The following MNAT1 variants were observed in gnomAD, a reference collection of about 807,000 sequenced individuals.
MNAT1 encodes MNAT1 component of CDK activating kinase.
A neutral mutation model predicts 42.0 loss-of-function variants in MNAT1; 43 were observed. The observed-to-expected ratio is 1.02, with a 90% confidence interval of 0.80 to 1.32. The LOEUF (loss-of-function observed/expected upper bound fraction) is 1.32, where lower values mean the gene tolerates loss of function less well. Among genes scored for constraint, MNAT1 ranks in the 40% most tolerant of loss-of-function variants. The pLI is 0.00. For synonymous variants in MNAT1, 118 were observed against 120.0 expected, an observed-to-expected ratio of 0.98 and a Z score of 0.11; for missense variants, 306 against 350.4, an observed-to-expected ratio of 0.87 and a Z score of 1.01.
At chr14:60,821,342 C>T (rs1378835132) in intron 6 of MNAT1, among the ~76,000 whole-genome samples, 2 of 152,118 alleles carry the variant, frequency 1.3e-5, no homozygotes, top group African/African-American at 4.8e-5. Context: ...CTTATGGGTA[C>T]ACTGTTTAAT....
At chr14:60,743,451 G>A (rs959124015) in intron 1 of MNAT1, among the ~76,000 whole-genome samples, 3 of 152,104 alleles carry the variant, frequency 2.0e-5, no homozygotes, top group African/African-American at 4.8e-5. Context: ...ACCATGCCCG[G>A]CTAATTTTTG....
intron 6 of MNAT1, among the ~76,000 whole-genome samples, chr14:60,863,494 A>G (rs540570059): frequency 1.3e-5 from 2 of 152,254 alleles, no homozygotes; most frequent in African/African-American, 2.4e-5. Flanking sequence ...TACTTTTATC[A>G]AGTAATTTTC....
intron 2 of MNAT1, among the ~76,000 whole-genome samples, chr14:60,796,780 C>G (rs2032032453): frequency 6.6e-6 from 1 of 152,070 alleles, no homozygotes; most frequent in Admixed American, 6.6e-5. Context: ...TAAACCAAAA[C>G]AAATGTTATT....
intron 5 of MNAT1, among the ~76,000 whole-genome samples, chr14:60,812,854 T>C (rs1437917421): frequency 6.6e-6 from 1 of 152,124 alleles, no homozygotes; most frequent in South Asian, 2.1e-4. Flanking sequence ...TTTTCATCGC[T>C]CAATAAAATT....
intron 7 of MNAT1, among the ~76,000 whole-genome samples, chr14:60,937,070 G>T (rs1349426528): frequency 1.3e-5 from 2 of 151,802 alleles, no homozygotes; most frequent in East Asian, 1.9e-4. Flanking sequence ...TGTTGATGGG[G>T]TTTTTTGTTT....
At chr14:60,832,733 G>A (rs2033262247) in intron 6 of MNAT1, among the ~76,000 whole-genome samples, 1 of 152,048 alleles carries the variant, frequency 6.6e-6, no homozygotes, top group Non-Finnish European at 1.5e-5. Flanking sequence ...ATGGTACCTT[G>A]ATAGGGATAG....
chr14:60,824,647 C>T (rs1472882307), intron 6 of MNAT1, among the ~76,000 whole-genome samples: 1 of 152,154 alleles, frequency 6.6e-6, no homozygotes, highest in Non-Finnish European at 1.5e-5. Flanking sequence ...TTGCTTTACT[C>T]TTCTGAGTTT....
intron 6 of MNAT1, among the ~76,000 whole-genome samples, chr14:60,856,744 G>A (rs966624707): frequency 6.7e-6 from 1 of 150,232 alleles, no homozygotes; most frequent in Non-Finnish European, 1.5e-5. Context: ...GCAGTGGCAC[G>A]ATCTCAGCTC....
At chr14:60,904,439 T>C (rs943564549) in intron 7 of MNAT1, among the ~76,000 whole-genome samples, 2 of 152,222 alleles carry the variant, frequency 1.3e-5, no homozygotes, top group African/African-American at 4.8e-5. Flanking sequence ...ACATGAATCT[T>C]TGTGCTTAAA....
At chr14:60,846,030 A>T (rs867649190) in intron 6 of MNAT1, among the ~76,000 whole-genome samples, 10 of 152,162 alleles carry the variant, frequency 6.6e-5, no homozygotes, top group South Asian at 2.1e-4. Flanking sequence ...AGGATTTCCA[A>T]ATACTGTTTC....
intron 6 of MNAT1, among the ~76,000 whole-genome samples, chr14:60,858,567 A>G (rs932984089): frequency 6.6e-6 from 1 of 152,276 alleles, no homozygotes; most frequent in Admixed American, 6.5e-5. Context: ...ATTGACTCCA[A>G]TTTTGAAAGA....
intron 1 of MNAT1, among the ~76,000 whole-genome samples, chr14:60,778,558 C>G (rs774830000): frequency 1.3e-5 from 2 of 152,184 alleles, no homozygotes; most frequent in African/African-American, 2.4e-5. Context: ...GCCAGCACCA[C>G]TATCTGAGGA....
chr14:60,742,273 A>T (rs1437741516), intron 1 of MNAT1, among the ~76,000 whole-genome samples: 2 of 151,772 alleles, frequency 1.3e-5, no homozygotes, highest in Non-Finnish European at 2.9e-5. Flanking sequence ...TTTTTTGTAG[A>T]GCTAGTCTCT....
chr14:60,901,729 C>T (rs1326053404), intron 7 of MNAT1, among the ~76,000 whole-genome samples: 1 of 152,114 alleles, frequency 6.6e-6, no homozygotes. Flanking sequence ...AGCAAGAAAA[C>T]TAGAATTAGC....
intron 7 of MNAT1, among the ~76,000 whole-genome samples, chr14:60,904,272 A>G (rs778773770): frequency 1.3e-5 from 2 of 152,256 alleles, no homozygotes; most frequent in Non-Finnish European, 2.9e-5. Context: ...ATGCATGTGT[A>G]TATAACATAT....
At chr14:60,841,146 C>G (rs1413638679) in intron 6 of MNAT1, among the ~76,000 whole-genome samples, 2 of 148,244 alleles carry the variant, frequency 1.3e-5, no homozygotes, top group Non-Finnish European at 3.0e-5. Flanking sequence ...TCTCTCTCTC[C>G]CTCTCTCCCT....
chr14:60,799,623 G>A (rs1001900891), intron 3 of MNAT1, among the ~76,000 whole-genome samples: 4 of 151,846 alleles, frequency 2.6e-5, no homozygotes, highest in African/African-American at 9.7e-5. Context: ...GAGAAGGTGA[G>A]GAATAGGTTT....
intron 7 of MNAT1, among the ~76,000 whole-genome samples, chr14:60,882,309 A>G (rs1311230701): frequency 6.6e-6 from 1 of 151,980 alleles, no homozygotes; most frequent in Non-Finnish European, 1.5e-5. Flanking sequence ...TTTAGCTTCC[A>G]CAAATAAGTG....
rs1484684962 is a variant in MNAT1 at position 60,897,448 on chromosome 14, T to C, written c.809+17613T>C. Among the ~76,000 whole-genome samples, 4 of 152,104 alleles carry C rather than the reference T, an allele frequency of 2.6e-5. No homozygotes were observed. The East Asian group carries it at 7.7e-4, about 29-fold the overall frequency. Reference sequence around the variant, plus strand: ...CTAATATGATATTTCAGAATGCCTTTCTCAGTTTTATGGGAATATCTATTA... The same window carrying C: ...CTAATATGATATTTCAGAATGCCTTCCTCAGTTTTATGGGAATATCTATTA... On this transcript the variant is annotated intron_variant, in intron 7 of 7. Coordinates refer to ENST00000261245, the MANE Select transcript of MNAT1 (RefSeq NM_002431.4).
Sources: gnomAD v4.1 joint callset for allele counts (sites outside exome capture counted in the v4.1 genomes callset) on GRCh38, gnomAD v4.1.1 for gene constraint, MANE v1.5 for transcripts, NCBI Gene and HGNC (gene_info 2026-07-23, HGNC 2026-07-21) for gene names.